NRXN3: variants seen among roughly 807,000 people sequenced by gnomAD.
NRXN3 encodes neurexin III.
In NRXN3, 32 loss-of-function variants were observed where a neutral mutation model predicts 137.6. The observed-to-expected ratio is 0.23, with a 90% CI of 0.18 to 0.31. NRXN3 has a LOEUF of 0.31. NRXN3 is among the 10% of genes least tolerant of loss of function. The pLI is 1.00. For synonymous variants in NRXN3, 798 were observed against 784.5 expected (o/e 1.02, Z -0.29); for missense variants, 1,574 against 2,062.5 (o/e 0.76, Z 4.59).
chr14:79,772,812 G>A (rs1057031267), intron 19 of NRXN3, among the ~76,000 whole-genome samples: 24 of 152,156 alleles, frequency 1.6e-4, no homozygotes, highest in South Asian at 4.2e-4. Flanking sequence ...CTGCACAGCA[G>A]AAGAAACTAC....
intron 19 of NRXN3, among the ~76,000 whole-genome samples, chr14:79,732,708 A>G (rs1191550418): frequency 2.6e-5 from 4 of 152,134 alleles, no homozygotes; most frequent in Admixed American, 6.5e-5. Flanking sequence ...CTTATTTGTT[A>G]TTTCACTTAA....
intron 16 of NRXN3, among the ~76,000 whole-genome samples, chr14:79,655,525 A>G (rs1051926235): frequency 1.3e-5 from 2 of 152,150 alleles, no homozygotes; most frequent in African/African-American, 2.4e-5. Context: ...ACAGAAAAGT[A>G]CTGTCTGGAG....
At chr14:78,397,509 T>G (rs1180431160) in intron 4 of NRXN3, among the ~76,000 whole-genome samples, 1 of 152,140 alleles carries the variant, frequency 6.6e-6, no homozygotes, top group Non-Finnish European at 1.5e-5. Context: ...TTTTTCCCAT[T>G]CTTAAAATGT....
chr14:78,386,954 G>T (rs2090058972), intron 4 of NRXN3, among the ~76,000 whole-genome samples: 1 of 151,776 alleles, frequency 6.6e-6, no homozygotes, highest in Non-Finnish European at 1.5e-5. Context: ...TAATTTTTTT[G>T]TATGTTTAGT....
chr14:79,565,285 A>G (rs536502802), intron 16 of NRXN3, among the ~76,000 whole-genome samples: 1 of 137,966 alleles, frequency 7.2e-6, no homozygotes, highest in South Asian at 2.5e-4. Flanking sequence ...GTATACATAT[A>G]CGCACACATG....
intron 16 of NRXN3, among the ~76,000 whole-genome samples, chr14:79,507,782 C>T (rs1266287495): frequency 6.6e-6 from 1 of 152,114 alleles, no homozygotes; most frequent in Non-Finnish European, 1.5e-5. Context: ...CTATTCTCAA[C>T]TTGACTATTA....
intron 16 of NRXN3, among the ~76,000 whole-genome samples, chr14:79,521,908 C>A (rs2097069186): frequency 6.6e-6 from 1 of 151,986 alleles, no homozygotes; most frequent in South Asian, 2.1e-4. Flanking sequence ...AGGTAAATAC[C>A]ATTTGTAAAC....
chr14:78,496,556 A>T (rs1224823549), intron 4 of NRXN3, among the ~76,000 whole-genome samples: 1 of 152,170 alleles, frequency 6.6e-6, no homozygotes, highest in East Asian at 1.9e-4. Context: ...GCTTTCAGGA[A>T]CAAAAAGAGA....
chr14:79,061,841 C>G (rs2099674701), intron 15 of NRXN3, among the ~76,000 whole-genome samples: 1 of 152,182 alleles, frequency 6.6e-6, no homozygotes. Context: ...TGTCGGTGGA[C>G]TAACGCAGCA....
intron 15 of NRXN3, among the ~76,000 whole-genome samples, chr14:79,288,777 A>G (rs1438318363): frequency 6.6e-6 from 1 of 152,244 alleles, no homozygotes; most frequent in Non-Finnish European, 1.5e-5. Flanking sequence ...CAAAGCATCT[A>G]CAAGACTTTC....
intron 6 of NRXN3, among the ~76,000 whole-genome samples, chr14:78,692,632 T>C (rs925284603): frequency 1.3e-5 from 2 of 152,196 alleles, no homozygotes; most frequent in Non-Finnish European, 2.9e-5. Flanking sequence ...GGGAGTCAGA[T>C]GGACTTGAGT....
At chr14:79,466,081 T>C (rs2096418432) in intron 15 of NRXN3, among the ~76,000 whole-genome samples, 1 of 152,214 alleles carries the variant, frequency 6.6e-6, no homozygotes, top group South Asian at 2.1e-4. Flanking sequence ...ATATGGATAA[T>C]AGTAAAAACA....
At chr14:79,507,680 C>T (rs2096891327) in intron 16 of NRXN3, among the ~76,000 whole-genome samples, 1 of 152,090 alleles carries the variant, frequency 6.6e-6, no homozygotes, top group African/African-American at 2.4e-5. Context: ...ATTATCTTTG[C>T]TGGCCCTGCC....
intron 4 of NRXN3, among the ~76,000 whole-genome samples, chr14:78,548,550 T>C (rs546343749): frequency 1.8e-4 from 28 of 152,330 alleles, no homozygotes; most frequent in African/African-American, 6.3e-4. Context: ...GTCAGGTGCC[T>C]AGCTTTTAAG....
At chr14:79,162,499 T>C (rs964988747) in intron 15 of NRXN3, among the ~76,000 whole-genome samples, 1 of 151,842 alleles carries the variant, frequency 6.6e-6, no homozygotes, top group African/African-American at 2.4e-5. Context: ...TGCATAGTAT[T>C]CCATGGTGTA....
chr14:79,468,533 A>G (rs1254223153), intron 16 of NRXN3, among the ~76,000 whole-genome samples: 1 of 152,236 alleles, frequency 6.6e-6, no homozygotes, highest in East Asian at 1.9e-4. Flanking sequence ...GAGGAAAAGG[A>G]ACATTGATTA....
rs1181127039 is a variant in NRXN3 at position 78,943,616 on chromosome 14, AAAAAAATATATATATATATATATAT to A, written c.2276-13624_2276-13600del. 8.5e-4 allele frequency among the ~76,000 whole-genome samples: 35 copies of A among 41,020 alleles called. 2 individuals carry two copies. The highest frequency in any genetic ancestry group is 1.6e-3 in the Admixed American group (6 of 3,844). 26.9% of individuals were successfully genotyped at this position (41,020 alleles called of 152,430 possible). A position where few individuals can be genotyped will look rare whatever the true frequency, so the allele number is the denominator to read the frequency against. ...AAAGAAGCAAGATCACTGTTAAAAA[AAAAAAATATATATATATATATATAT>A]ATATATATATATATATATATATATA... On this transcript the variant is annotated intron_variant, in intron 10 of 20. Coordinates refer to ENST00000335750, the MANE Select transcript of NRXN3 (RefSeq NM_001330195.2).
At chr14:79,163,254 C>T (rs2060973210) in intron 15 of NRXN3, among the ~76,000 whole-genome samples, 1 of 151,956 alleles carries the variant, frequency 6.6e-6, no homozygotes, top group African/African-American at 2.4e-5. Context: ...CAACCTCACT[C>T]TCCCATCATT....
At chr14:79,344,579 C>T (rs1468248272) in intron 15 of NRXN3, among the ~76,000 whole-genome samples, 1 of 151,946 alleles carries the variant, frequency 6.6e-6, no homozygotes, top group East Asian at 1.9e-4. Flanking sequence ...AATTTTATGC[C>T]ATGGTTATAG....
Sources: allele counts gnomAD v4.1 joint callset (sites outside exome capture counted in the v4.1 genomes callset), GRCh38; gene constraint gnomAD v4.1.1; transcripts MANE v1.5; gene names NCBI Gene and HGNC (gene_info 2026-07-23, HGNC 2026-07-21).